AGO3: variants seen among roughly 807,000 people sequenced by gnomAD.
AGO3 encodes argonaute RISC catalytic component 3, also known as protein argonaute-3.
AGO3 carries 16 observed loss-of-function variants against 105.5 expected under a neutral mutation model. That is an observed-to-expected ratio of 0.15 (90% CI 0.10 to 0.23). AGO3 has a LOEUF of 0.23. Ranked by LOEUF, AGO3 falls within the 10% of genes least tolerant of loss-of-function variation. AGO3 has a pLI of 1.00. For missense variants in AGO3, 534 were observed against 1,088.0 expected (o/e 0.49, Z 7.16); for synonymous variants, 340 against 367.3 (o/e 0.93, Z 0.85).
At chr1:35,936,222 A>G in intron 1 of AGO3, among the ~76,000 whole-genome samples, 1 of 152,116 alleles carries the variant, frequency 6.6e-6, no homozygotes, top group East Asian at 1.9e-4. Flanking sequence ...TATCTGTGTT[A>G]ATATTAATGA....
Position 36,027,225 on chromosome 1 carries a change from C to T in AGO3, c.1518C>T (p.Phe506=), listed in dbSNP as rs1325969653. The T allele has an allele frequency of 1.2e-6, 2 of 1,614,124 alleles. No homozygotes were observed. Among genetic ancestry groups the T allele is most frequent in the African/African-American group, 2.7e-5 (2 of 74,956 alleles). ...GGGCAGACAGCGTAGAGCCCATGTTCCGGCATCTCAAGAACACATATTCTG... is the reference window on the plus strand; with the variant it reads ...GGGCAGACAGCGTAGAGCCCATGTTTCGGCATCTCAAGAACACATATTCTG... The part of the protein sequence containing the change: ...AQGADSVEPM[F]RHLKNTYSGL... The change falls in exon 12 of 19, where the codon TTC becomes TTT. Residue 506 remains phenylalanine, a synonymous_variant. Coordinates refer to ENST00000373191, the MANE Select transcript of AGO3 (RefSeq NM_024852.4). This position sits in a 1 kb window ranked among gnomAD's most constrained non-coding sequence, Gnocchi z 4.0.
intron 2 of AGO3, among the ~76,000 whole-genome samples, chr1:35,957,949 C>T (rs1571430853): frequency 6.6e-6 from 1 of 151,990 alleles, no homozygotes; most frequent in African/African-American, 2.4e-5. Flanking sequence ...ACCTATAGTC[C>T]TAGCTACTCA....
At chr1:36,044,009 A>G (rs182686361) in intron 17 of AGO3, among the ~76,000 whole-genome samples, 2 of 152,264 alleles carry the variant, frequency 1.3e-5, no homozygotes, top group Admixed American at 6.5e-5. Flanking sequence ...ATAACATTTT[A>G]TAGAAAACTT....
At chr1:35,958,480 A>G (rs1382064716) in intron 2 of AGO3, among the ~76,000 whole-genome samples, 1 of 151,960 alleles carries the variant, frequency 6.6e-6, no homozygotes, top group Admixed American at 6.6e-5. Context: ...GGGCAACATG[A>G]TGAAACTCTG....
chr1:36,029,661 G>A (rs12093146), intron 12 of AGO3, among the ~76,000 whole-genome samples: 1,719 of 150,058 alleles, frequency 0.011, 33 homozygotes, highest in African/African-American at 0.04. Flanking sequence ...CTCCCAAAGT[G>A]CTGGGATTAC....
At chr1:36,043,753 A>G (rs1437583447) in intron 17 of AGO3, among the ~76,000 whole-genome samples, 1 of 152,202 alleles carries the variant, frequency 6.6e-6, no homozygotes, top group Non-Finnish European at 1.5e-5. Context: ...TGAAAATACC[A>G]GAATATAAGT....
Position 36,039,952 on chromosome 1 carries a change from C to A in AGO3, c.2005C>A (p.Arg669=). ...RFKPTRIIFY[R]DGVSEGQFRQ... is the part of the protein sequence containing the mutation. ...CAAGCCTACTCGTATCATCTTTTAT[C>A]GGGATGGTGTTTCAGAGGGGCAGTT... The change falls in exon 15 of 19, where the codon CGG becomes AGG. Residue 669 remains arginine (R), a synonymous_variant. Coordinates refer to ENST00000373191, the MANE Select transcript of AGO3 (RefSeq NM_024852.4). 1 of 1,613,348 alleles carries A rather than the reference C, an allele frequency of 6.2e-7. No homozygotes were observed. Among genetic ancestry groups the A allele is most frequent in the East Asian group, 2.2e-5 (1 of 44,842 alleles).
chr1:35,941,444 G>A (rs1646253576), intron 1 of AGO3, among the ~76,000 whole-genome samples: 1 of 151,946 alleles, frequency 6.6e-6, no homozygotes, highest in Non-Finnish European at 1.5e-5. Context: ...TTTTCACTCA[G>A]AACTCAGAGG....
intron 11 of AGO3, among the ~76,000 whole-genome samples, chr1:36,021,936 C>G (rs1641249597): frequency 6.6e-6 from 1 of 151,696 alleles, no homozygotes; most frequent in South Asian, 2.1e-4. Flanking sequence ...TTTGCTGTTA[C>G]TGAAGCTTTT....
At chr1:36,006,498 A>G (rs1307017059) in intron 6 of AGO3, among the ~76,000 whole-genome samples, 1 of 152,110 alleles carries the variant, frequency 6.6e-6, no homozygotes, top group Non-Finnish European at 1.5e-5. Context: ...TTTTAATTCA[A>G]GGGGAAGAGT....
intron 2 of AGO3, among the ~76,000 whole-genome samples, chr1:35,960,068 G>T (rs1646646249): frequency 6.6e-6 from 1 of 151,814 alleles, no homozygotes. Flanking sequence ...TCTTATTTCG[G>T]TACTTATATT....
chr1:36,053,519 C>T (rs1308393322), intron 17 of AGO3, among the ~76,000 whole-genome samples: 1 of 152,036 alleles, frequency 6.6e-6, no homozygotes, highest in Non-Finnish European at 1.5e-5. Flanking sequence ...GTTCGATCCA[C>T]CTACCTTGTC....
chr1:36,024,981 T>C (rs1641434976), intron 11 of AGO3, among the ~76,000 whole-genome samples: 1 of 147,644 alleles, frequency 6.8e-6, no homozygotes, highest in South Asian at 2.1e-4. Context: ...CAGTATCCTC[T>C]CTATTTGTGC....
rs74992725 is a variant in AGO3 at position 36,015,613 on chromosome 1, C to G, written c.1406+1565C>G. ...TCAGTATCATATAAAAAAGATAACA[C>G]TTAGGAGTTTCTAAGGATTTTAGGA... is the stretch of plus-strand genomic sequence containing the variant. On this transcript the variant is annotated intron_variant, in intron 11 of 18. Transcript: ENST00000373191. 8.3e-3 allele frequency among the ~76,000 whole-genome samples: 1,265 copies of G among 152,258 alleles called. 19 individuals carry two copies. Among genetic ancestry groups the G allele is most frequent in the African/African-American group, 0.029 (1,185 of 41,542 alleles).
intron 17 of AGO3, among the ~76,000 whole-genome samples, chr1:36,046,966 C>T (rs1262778208): frequency 5.3e-5 from 8 of 152,134 alleles, no homozygotes; most frequent in African/African-American, 1.4e-4. Flanking sequence ...GAAAGCAGGC[C>T]GGCCGCAGTG....
intron 5 of AGO3, among the ~76,000 whole-genome samples, chr1:35,986,382 A>G (rs986760919): frequency 2.0e-4 from 30 of 152,222 alleles, no homozygotes; most frequent in Non-Finnish European, 3.7e-4. Context: ...ATATGTATCA[A>G]TGTGAATTAT....
intron 1 of AGO3, among the ~76,000 whole-genome samples, chr1:35,933,954 A>G (rs145585652): frequency 0.014 from 2,121 of 152,290 alleles, 21 homozygotes; most frequent in Non-Finnish European, 0.021. Context: ...CTTTTTAAGG[A>G]TATCTTGTGC....
At chr1:36,028,327 A>G (rs1196703651) in intron 12 of AGO3, among the ~76,000 whole-genome samples, 3 of 151,362 alleles carry the variant, frequency 2.0e-5, no homozygotes, top group Non-Finnish European at 4.4e-5. Flanking sequence ...TACATGTGCC[A>G]TGCTGGTGCG....
chr1:36,004,875 T>C (rs948991427), intron 6 of AGO3, among the ~76,000 whole-genome samples: 6 of 152,034 alleles, frequency 3.9e-5, no homozygotes, highest in Non-Finnish European at 8.8e-5. Context: ...TCTGAAATGA[T>C]AGTTATTTAT....
Sources: allele counts gnomAD v4.1 joint callset (sites outside exome capture counted in the v4.1 genomes callset), GRCh38; gene constraint gnomAD v4.1.1; non-coding constraint Gnocchi (gnomAD v3.1); transcripts MANE v1.5; gene names NCBI Gene and HGNC (gene_info 2026-07-23, HGNC 2026-07-21).